The following CORO2A variants were observed in gnomAD, a reference collection of about 807,000 sequenced individuals.
The protein encoded by CORO2A is coronin-2A.
A neutral mutation model predicts 62.4 loss-of-function variants in CORO2A; 47 were observed. That is an observed-to-expected ratio of 0.75 (90% CI 0.60 to 0.96). The LOEUF is 0.96. Among genes scored for constraint, CORO2A ranks in the 40% least tolerant of loss-of-function variants. The pLI, the probability that CORO2A is intolerant of heterozygous loss-of-function variation, is 0.00. For synonymous variants in CORO2A, 273 were observed against 268.9 expected (o/e 1.02, Z -0.15); for missense variants, 610 against 684.1 (o/e 0.89, Z 1.21).
chr9:98,152,541 C>G (rs1167066594), intron 2 of CORO2A, among the ~76,000 whole-genome samples: 1 of 152,180 alleles, frequency 6.6e-6, no homozygotes, highest in Admixed American at 6.5e-5. Flanking sequence ...ATCTTGGCCT[C>G]TCAAAGTGCT....
intron 3 of CORO2A, among the ~76,000 whole-genome samples, chr9:98,137,318 A>G (rs972804081): frequency 6.6e-6 from 1 of 152,146 alleles, no homozygotes; most frequent in Non-Finnish European, 1.5e-5. Flanking sequence ...ACTGGGCTTT[A>G]TTAGCTGGGT....
intron 1 of CORO2A, among the ~76,000 whole-genome samples, chr9:98,162,914 C>A (rs1159450176): frequency 6.6e-6 from 1 of 152,236 alleles, no homozygotes; most frequent in African/African-American, 2.4e-5. Context: ...TGGGCCAGAA[C>A]AGCCGATTCG....
chr9:98,172,975 G>T (rs1157116990), intron 1 of CORO2A: 2 of 152,244 alleles, frequency 1.3e-5, no homozygotes, highest in Non-Finnish European at 2.9e-5. Flanking sequence ...CTGTGTCACA[G>T]CAGAGCATCT....
At chr9:98,174,454 TA>T (rs1828081969) in intron 1 of CORO2A, among the ~76,000 whole-genome samples, 1 of 152,216 alleles carries the variant, frequency 6.6e-6, no homozygotes, top group African/African-American at 2.4e-5. Context: ...ACAAAAACAT[TA>T]AATAATAGAG....
intron 3 of CORO2A, 71 bp from the exon 4 acceptor site, chr9:98,135,026 A>G: frequency 6.4e-7 from 1 of 1,566,146 alleles, no homozygotes. Flanking sequence ...CCTAAGCCAC[A>G]GATCTGGCAG....
At position 98,134,911 on chromosome 9, in the gene CORO2A, G is replaced by A. The variant is rs769029793; in HGVS notation, c.363C>T (p.Leu121=). The part of the protein sequence containing the change: ...SIPKQLLTRN[L]TAYRKELVGH... ...CCACGAGTTCCTTCCTGTAGGCCGT[G>A]AGGTTCCTGGTCAGCAGCTGCTTGG... The change falls in exon 4 of 12, where the codon CTC becomes CTT. Residue 121 remains leucine, a synonymous_variant. Transcript: ENST00000375077. 2 of 1,614,180 alleles carry A rather than the reference G, an allele frequency of 1.2e-6. No homozygotes were observed. Among genetic ancestry groups the A allele is most frequent in the South Asian group, 1.1e-5 (1 of 91,080 alleles).
Position 98,126,844 on chromosome 9 carries a change from T to A in CORO2A, c.1172-21A>T, listed in dbSNP as rs776082882. 9.9e-6 allele frequency: 16 copies of A among 1,613,830 alleles called. No homozygotes were observed. In the South Asian group the frequency reaches 1.3e-4, roughly 13 times the overall value. On this transcript the variant is annotated intron_variant, in intron 10 of 11. Coordinates refer to ENST00000375077, the MANE Select transcript of CORO2A (RefSeq NM_052820.4). ...TGGGTCTGGAAGGGAAGCAGAGCCA[T>A]GTGAGGACGGGGTGCCCACGGGAAG...
At chr9:98,185,711 T>A (rs1013099118) in intron 1 of CORO2A, among the ~76,000 whole-genome samples, 3 of 152,222 alleles carry the variant, frequency 2.0e-5, no homozygotes, top group African/African-American at 7.2e-5. Flanking sequence ...GAGCACGCCA[T>A]AGACCACGCC....
At chr9:98,182,407 G>T (rs1828189140) in intron 1 of CORO2A, among the ~76,000 whole-genome samples, 1 of 152,136 alleles carries the variant, frequency 6.6e-6, no homozygotes, top group African/African-American at 2.4e-5. Flanking sequence ...TAGTGACCCT[G>T]CCAGCAAGCT....
chr9:98,139,208 G>T (rs1827533945), intron 2 of CORO2A, among the ~76,000 whole-genome samples: 1 of 152,024 alleles, frequency 6.6e-6, no homozygotes, highest in South Asian at 2.1e-4. Flanking sequence ...GAAATTAGGT[G>T]GTGGTGACAG....
chr9:98,159,022 C>G (rs894279433), intron 1 of CORO2A, among the ~76,000 whole-genome samples: 3 of 151,854 alleles, frequency 2.0e-5, no homozygotes, highest in African/African-American at 7.3e-5. Flanking sequence ...TTCTGAATAC[C>G]AAGCCCTCAC....
At chr9:98,153,448 C>T (rs1348901589) in intron 2 of CORO2A, among the ~76,000 whole-genome samples, 4 of 151,288 alleles carry the variant, frequency 2.6e-5, no homozygotes. Flanking sequence ...TATTCTGTCA[C>T]CCAGGCTGGA....
At chr9:98,163,469 C>T (rs771034871) in intron 1 of CORO2A, among the ~76,000 whole-genome samples, 5 of 152,198 alleles carry the variant, frequency 3.3e-5, no homozygotes, top group East Asian at 1.9e-4. Flanking sequence ...AGATTACAGG[C>T]GTAAGCCATT....
At chr9:98,189,026 C>A (rs913884130) in intron 1 of CORO2A, among the ~76,000 whole-genome samples, 3 of 152,164 alleles carry the variant, frequency 2.0e-5, no homozygotes, top group African/African-American at 7.2e-5. Context: ...ATAATCACAC[C>A]TTCCTTGTCC....
chr9:98,122,740 G>A lies in CORO2A; in HGVS notation c.*2034C>T, dbSNP rs560249230. ...CAGTGATGGGGGCCCCCTACCTCCT[G>A]GGGGACTCTTCTGTTAACTAGGGCT... On this transcript the variant is annotated 3_prime_UTR_variant, in exon 12 of 12. Coordinates refer to ENST00000375077, the MANE Select transcript of CORO2A (RefSeq NM_052820.4). 2 of 152,326 alleles carry A rather than the reference G, an allele frequency of 1.3e-5. No individual in the cohort carries two copies. The highest frequency in any genetic ancestry group is 1.5e-5 in the Non-Finnish European group (1 of 68,046). The allele number at this position is 152,326 out of a possible 1,614,324, so 9.4% of individuals were successfully genotyped here.
intron 2 of CORO2A, among the ~76,000 whole-genome samples, chr9:98,153,649 A>ACACAC (rs1554744889): frequency 2.2e-5 from 3 of 133,892 alleles, no homozygotes; most frequent in Non-Finnish European, 4.8e-5. Flanking sequence ...TCTGTTTCCA[A>ACACAC]ACACACACAC....
At chr9:98,126,969 C>A (rs1827330942) in intron 10 of CORO2A, 146 bp from the exon 11 acceptor site, 2 of 852,312 alleles carry the variant, frequency 2.3e-6, no homozygotes, top group Non-Finnish European at 1.8e-6. Flanking sequence ...TACCTGTGGA[C>A]AGGCCCAAAC....
chr9:98,179,631 G>A (rs1828151341), intron 1 of CORO2A, among the ~76,000 whole-genome samples: 2 of 152,158 alleles, frequency 1.3e-5, no homozygotes, highest in South Asian at 2.1e-4. Flanking sequence ...GCAGGGAAGG[G>A]GAAGTGGCAG....
chr9:98,140,541 C>T (rs1827551719), intron 2 of CORO2A, among the ~76,000 whole-genome samples: 1 of 151,814 alleles, frequency 6.6e-6, no homozygotes, highest in African/African-American at 2.4e-5. Context: ...CGGGGTAAGA[C>T]AATCTTCCCA....
Sources: allele counts gnomAD v4.1 joint callset (sites outside exome capture counted in the v4.1 genomes callset), GRCh38; gene constraint gnomAD v4.1.1; transcripts MANE v1.5; gene names NCBI Gene and HGNC (gene_info 2026-07-23, HGNC 2026-07-21).